The following DRC11 variants were observed in gnomAD, a reference collection of about 807,000 sequenced individuals.
The protein encoded by DRC11 is dynein regulatory complex subunit 11.
the DRC11 span, among the ~76,000 whole-genome samples, chr2:236,358,170 A>T: frequency 8.2e-6 from 1 of 121,378 alleles, no homozygotes; most frequent in Non-Finnish European, 1.6e-5. Context: ...ATGAATATAT[A>T]ATATATATAC....
the DRC11 span, among the ~76,000 whole-genome samples, chr2:236,452,219 A>C: frequency 6.6e-6 from 1 of 152,190 alleles, no homozygotes; most frequent in African/African-American, 2.4e-5. This position sits in a 1 kb window ranked among gnomAD's most constrained non-coding sequence, Gnocchi z 4.7. Context: ...GCATATTGTC[A>C]AAAATTCTTG....
At chr2:236,459,224 C>A in the DRC11 span, among the ~76,000 whole-genome samples, 3 of 151,880 alleles carry the variant, frequency 2.0e-5, no homozygotes, top group Non-Finnish European at 4.4e-5. Context: ...AACGAAGAAA[C>A]CAAAAGATTA....
the DRC11 span, among the ~76,000 whole-genome samples, chr2:236,366,458 A>C: frequency 6.6e-6 from 1 of 152,226 alleles, no homozygotes; most frequent in African/African-American, 2.4e-5. Flanking sequence ...AACTGTGCAC[A>C]CAATTCATCT....
chr2:236,318,567 ATGTG>A, the DRC11 span, among the ~76,000 whole-genome samples: 6 of 135,194 alleles, frequency 4.4e-5, no homozygotes, highest in African/African-American at 7.2e-5. The surrounding 1 kb of genome is among the most constrained non-coding windows in gnomAD (Gnocchi z 7.0). Context: ...GGAGTGGTCC[ATGTG>A]TGTGTTTGTG....
chr2:236,352,401 G>T, the DRC11 span, among the ~76,000 whole-genome samples: 1 of 152,132 alleles, frequency 6.6e-6, no homozygotes, highest in Non-Finnish European at 1.5e-5. This position sits in a 1 kb window ranked among gnomAD's most constrained non-coding sequence, Gnocchi z 7.0. Context: ...CGTGGGCTAG[G>T]GACAGAAGGC....
chr2:236,324,519 G>A, the DRC11 span: 8 of 542,978 alleles, frequency 1.5e-5, no homozygotes, highest in African/African-American at 7.6e-5. This position sits in a 1 kb window ranked among gnomAD's most constrained non-coding sequence, Gnocchi z 5.7. Context: ...GCGGGTTTGC[G>A]GCATCAGCTC....
the DRC11 span, among the ~76,000 whole-genome samples, chr2:236,483,154 T>C: frequency 6.6e-6 from 1 of 152,366 alleles, no homozygotes; most frequent in East Asian, 1.9e-4. The surrounding 1 kb of genome is among the most constrained non-coding windows in gnomAD (Gnocchi z 4.8). Flanking sequence ...TTTTTGTGAC[T>C]AGCTTATTTC....
the DRC11 span, among the ~76,000 whole-genome samples, chr2:236,406,219 A>T: frequency 6.6e-6 from 1 of 152,242 alleles, no homozygotes; most frequent in Non-Finnish European, 1.5e-5. This position sits in a 1 kb window ranked among gnomAD's most constrained non-coding sequence, Gnocchi z 4.7. Context: ...TATCTTTGTG[A>T]AATTAGGAGG....
chr2:236,360,843 C>T, the DRC11 span, among the ~76,000 whole-genome samples: 1 of 152,134 alleles, frequency 6.6e-6, no homozygotes, highest in Admixed American at 6.5e-5. The surrounding 1 kb of genome is among the most constrained non-coding windows in gnomAD (Gnocchi z 5.8). Context: ...CAGACGAAGT[C>T]AAAATAGACC....
chr2:236,431,439 G>T, the DRC11 span, among the ~76,000 whole-genome samples: 6 of 152,174 alleles, frequency 3.9e-5, no homozygotes, highest in African/African-American at 1.4e-4. The surrounding 1 kb of genome is among the most constrained non-coding windows in gnomAD (Gnocchi z 4.2). Context: ...AATCTTGTGA[G>T]AACTCACTCA....
the DRC11 span, chr2:236,369,248 G>C: frequency 2.6e-5 from 4 of 152,326 alleles, no homozygotes; most frequent in Middle Eastern, 3.4e-3. The surrounding 1 kb of genome is among the most constrained non-coding windows in gnomAD (Gnocchi z 4.5). Context: ...AAGCTTTTAA[G>C]TATTTTCAAA....
chr2:236,491,271 T>TATATATATATATATAC, the DRC11 span, among the ~76,000 whole-genome samples: 1 of 67,458 alleles, frequency 1.5e-5, no homozygotes, highest in African/African-American at 6.9e-5. Context: ...TATATATATA[T>TATATATATATATATAC]ACACACAGTA....
chr2:236,411,135 G>C, the DRC11 span, among the ~76,000 whole-genome samples: 1 of 148,412 alleles, frequency 6.7e-6, no homozygotes, highest in Non-Finnish European at 1.5e-5. Flanking sequence ...GAAAATTTTC[G>C]CAACCTACTC....
chr2:236,310,161 G>A, the DRC11 span, among the ~76,000 whole-genome samples: 5,242 of 152,234 alleles, frequency 0.034, 300 homozygotes, highest in African/African-American at 0.12. This position sits in a 1 kb window ranked among gnomAD's most constrained non-coding sequence, Gnocchi z 5.5. Flanking sequence ...ATCCTTTGCT[G>A]TCTGGTTGCC....
At chr2:236,407,436 T>C in the DRC11 span, among the ~76,000 whole-genome samples, 1 of 152,190 alleles carries the variant, frequency 6.6e-6, no homozygotes, top group Admixed American at 6.5e-5. Context: ...CTCTGGCTTT[T>C]GAACTCTACC....
At chr2:236,317,008 G>A in the DRC11 span, among the ~76,000 whole-genome samples, 1 of 152,102 alleles carries the variant, frequency 6.6e-6, no homozygotes, top group African/African-American at 2.4e-5. This position sits in a 1 kb window ranked among gnomAD's most constrained non-coding sequence, Gnocchi z 5.4. Context: ...AAAATCATAG[G>A]CGCTCAGCCG....
At chr2:236,443,361 C>T in the DRC11 span, among the ~76,000 whole-genome samples, 1 of 152,130 alleles carries the variant, frequency 6.6e-6, no homozygotes, top group Non-Finnish European at 1.5e-5. This position sits in a 1 kb window ranked among gnomAD's most constrained non-coding sequence, Gnocchi z 4.4. Context: ...CCAACAGGCC[C>T]TCCCCATGTG....
At chr2:236,369,375 T>C in the DRC11 span, among the ~76,000 whole-genome samples, 1 of 152,144 alleles carries the variant, frequency 6.6e-6, no homozygotes, top group Non-Finnish European at 1.5e-5. This position sits in a 1 kb window ranked among gnomAD's most constrained non-coding sequence, Gnocchi z 4.5. Context: ...CAATGGGTAT[T>C]GGTTGGGAGA....
chr2:236,335,411 G>C, the DRC11 span, among the ~76,000 whole-genome samples: 1 of 152,304 alleles, frequency 6.6e-6, no homozygotes, highest in East Asian at 1.9e-4. The surrounding 1 kb of genome is among the most constrained non-coding windows in gnomAD (Gnocchi z 5.6). Flanking sequence ...TTGAGGAGCT[G>C]TGCTTCAGCG....
Sources: gnomAD v4.1 joint callset for allele counts (sites outside exome capture counted in the v4.1 genomes callset) on GRCh38, gnomAD v4.1.1 for gene constraint, Gnocchi (gnomAD v3.1) non-coding constraint, MANE v1.5 for transcripts, NCBI Gene and HGNC (gene_info 2026-07-23, HGNC 2026-07-21) for gene names.